CLSTN1: variants seen among roughly 807,000 people sequenced by gnomAD.
CLSTN1 encodes calsyntenin-1.
CLSTN1 carries 28 observed loss-of-function variants against 108.3 expected under a neutral mutation model. That is an observed-to-expected ratio of 0.26 (90% CI 0.19 to 0.35). The LOEUF is 0.35. Among genes scored for constraint, CLSTN1 ranks in the 10% least tolerant of loss-of-function variants. The pLI, the probability that CLSTN1 is intolerant of heterozygous loss-of-function variation, is 1.00. For missense variants in CLSTN1, 1,157 were observed against 1,302.6 expected (o/e 0.89, Z 1.72); for synonymous variants, 524 against 534.9 (o/e 0.98, Z 0.28).
At chr1:9,738,581 T>C (rs2101084886) in intron 10 of CLSTN1, among the ~76,000 whole-genome samples, 1 of 152,328 alleles carries the variant, frequency 6.6e-6, no homozygotes. Context: ...GTAGCAAAAG[T>C]GGCAGAATCA....
At chr1:9,799,737 T>G (rs779699392) in intron 1 of CLSTN1, among the ~76,000 whole-genome samples, 1 of 151,132 alleles carries the variant, frequency 6.6e-6, no homozygotes, top group African/African-American at 2.4e-5. Context: ...GGTCAAGAGA[T>G]CCAGACCATC....
At chr1:9,777,661 G>A (rs1653021876) in intron 1 of CLSTN1, among the ~76,000 whole-genome samples, 1 of 152,046 alleles carries the variant, frequency 6.6e-6, no homozygotes, top group Admixed American at 6.6e-5. Flanking sequence ...ACTAAGAAGA[G>A]TGGCAACAGT....
intron 1 of CLSTN1, among the ~76,000 whole-genome samples, chr1:9,811,970 T>C (rs1327901107): frequency 1.3e-5 from 2 of 152,010 alleles, no homozygotes; most frequent in Admixed American, 1.3e-4. Context: ...ACCCCATCTC[T>C]ACTAAAAATA....
At chr1:9,770,972 G>A (rs1035410968) in intron 2 of CLSTN1, among the ~76,000 whole-genome samples, 22 of 152,164 alleles carry the variant, frequency 1.4e-4, no homozygotes, top group African/African-American at 3.9e-4. Context: ...CAGCCTGGGC[G>A]ACAAACTGAG....
intron 8 of CLSTN1, 115 bp from the exon 9 acceptor site, chr1:9,744,120 G>A (rs1022106429): frequency 9.9e-6 from 14 of 1,420,100 alleles, no homozygotes; most frequent in African/African-American, 2.8e-5. Context: ...TGAACTCTTC[G>A]GCTAAGCCAA....
At chr1:9,807,533 A>C (rs1654557123) in intron 1 of CLSTN1, among the ~76,000 whole-genome samples, 1 of 152,202 alleles carries the variant, frequency 6.6e-6, no homozygotes, top group African/African-American at 2.4e-5. Flanking sequence ...TTCAAGTAAC[A>C]ATTTTAAATA....
At chr1:9,801,624 G>A (rs1006859999) in intron 1 of CLSTN1, among the ~76,000 whole-genome samples, 10 of 152,044 alleles carry the variant, frequency 6.6e-5, no homozygotes, top group South Asian at 2.1e-4. Flanking sequence ...GCACGATCTC[G>A]GCTCACTGCA....
intron 1 of CLSTN1, among the ~76,000 whole-genome samples, chr1:9,819,242 A>C (rs946067396): frequency 3.3e-5 from 5 of 152,206 alleles, no homozygotes; most frequent in Admixed American, 2.0e-4. Flanking sequence ...CTTATAAATG[A>C]AAACTACCCA....
At position 9,823,287 on chromosome 1, in the gene CLSTN1, G is replaced by A. The variant is rs557114476; in HGVS notation, c.91+356C>T. 5.7e-4 allele frequency among the ~76,000 whole-genome samples: 87 copies of A among 152,320 alleles called. 2 individuals carry two copies. Among genetic ancestry groups the A allele is most frequent in the Admixed American group, 3.6e-3 (55 of 15,306 alleles). On this transcript the variant is annotated intron_variant, in intron 1 of 18. Transcript: ENST00000377298. The surrounding 1 kb of genome is among the most constrained non-coding windows in gnomAD (Gnocchi z 6.3). ...GCTGAGCAGGGCGGACTGACCCTTC[G>A]GCCCGTCTGCACGTTCCCCCAAATC...
intron 9 of CLSTN1, among the ~76,000 whole-genome samples, chr1:9,743,510 G>A (rs983834957): frequency 5.3e-5 from 8 of 152,256 alleles, no homozygotes; most frequent in African/African-American, 1.9e-4. Flanking sequence ...CATGTGCAAG[G>A]TTGCAGTACC....
intron 1 of CLSTN1, among the ~76,000 whole-genome samples, chr1:9,816,793 T>A (rs916367238): frequency 6.6e-6 from 1 of 152,158 alleles, no homozygotes; most frequent in Non-Finnish European, 1.5e-5. Flanking sequence ...ATTACAGGCA[T>A]GTGCCACCAC....
At chr1:9,773,171 G>A (rs1652771860) in intron 2 of CLSTN1, 101 bp downstream of exon 2, 2 of 1,492,856 alleles carry the variant, frequency 1.3e-6, no homozygotes, top group Non-Finnish European at 1.8e-6. Flanking sequence ...CTCAGCTATG[G>A]AGACATTTTC....
rs1237791180 is a variant in CLSTN1, at chr1:9,744,483, G to A, written c.1146C>T (p.Pro382=). ...ACACCGAGATGGTGAACGGCTCTTT[G>A]GGGCTGACCGACACGACGCCATCCG... ...RIPDGVVSVS[P]KEPFTISVWM... The change falls in exon 8 of 19, where the codon CCC becomes CCT. Residue 382 remains proline (P), a synonymous_variant. Transcript: ENST00000377298. 6.2e-6 allele frequency: 10 copies of A among 1,611,860 alleles called. No individual in the cohort carries two copies. The South Asian group carries it at 7.7e-5, about 12-fold the overall frequency.
chr1:9,813,955 A>T (rs1269008173), intron 1 of CLSTN1, among the ~76,000 whole-genome samples: 1 of 151,840 alleles, frequency 6.6e-6, no homozygotes, highest in Non-Finnish European at 1.5e-5. Context: ...AAAAAAAATT[A>T]GCCGGGCGCA....
chr1:9,770,451 G>A (rs138326120), intron 2 of CLSTN1, among the ~76,000 whole-genome samples: 480 of 152,208 alleles, frequency 3.2e-3, no homozygotes, highest in Non-Finnish European at 5.9e-3. Context: ...TGTGAACTTC[G>A]TGCAGTTAAA....
intron 2 of CLSTN1, among the ~76,000 whole-genome samples, chr1:9,764,637 T>TA (rs70998307): frequency 0.025 from 2,060 of 82,314 alleles, 51 homozygotes; most frequent in African/African-American, 0.044. Context: ...GCTCCATCTT[T>TA]AAAAAAAAAA....
intron 5 of CLSTN1, 105 bp downstream of exon 5, chr1:9,751,368 G>A (rs1266578157): frequency 1.9e-6 from 2 of 1,065,396 alleles, no homozygotes; most frequent in East Asian, 2.5e-5. Flanking sequence ...TCTCCAACTT[G>A]TGAGTTCCAT....
chr1:9,806,924 T>C (rs889892238), intron 1 of CLSTN1, among the ~76,000 whole-genome samples: 1 of 151,990 alleles, frequency 6.6e-6, no homozygotes, highest in African/African-American at 2.4e-5. Flanking sequence ...ACACTAATGA[T>C]GTCAAAGAGG....
At chr1:9,738,514 C>T (rs968254696) in intron 10 of CLSTN1, among the ~76,000 whole-genome samples, 1 of 152,208 alleles carries the variant, frequency 6.6e-6, no homozygotes, top group African/African-American at 2.4e-5. Flanking sequence ...CCCCACAACA[C>T]GCTGGTAGAA....
Sources: gnomAD v4.1 joint callset for allele counts (sites outside exome capture counted in the v4.1 genomes callset) on GRCh38, gnomAD v4.1.1 for gene constraint, Gnocchi (gnomAD v3.1) non-coding constraint, MANE v1.5 for transcripts, NCBI Gene and HGNC (gene_info 2026-07-23, HGNC 2026-07-21) for gene names.